The following KIF13A variants were observed in gnomAD, a reference collection of about 807,000 sequenced individuals.
KIF13A encodes kinesin-like protein KIF13A.
Under a neutral mutation model 212.2 loss-of-function variants are expected in KIF13A, and 79 were observed. That is an observed-to-expected ratio of 0.37 (90% CI 0.31 to 0.45). The LOEUF (loss-of-function observed/expected upper bound fraction) is 0.45, where lower values mean the gene tolerates loss of function less well. KIF13A is among the 20% of genes least tolerant of loss of function. The probability of loss-of-function intolerance (pLI) is 1.00; values close to 1 mark genes in which losing one functional copy is unlikely to be tolerated. For synonymous variants in KIF13A, 789 were observed against 808.6 expected (o/e 0.98, Z 0.41); for missense variants, 1,901 against 2,209.0 (o/e 0.86, Z 2.79).
rs892103843 is a variant in KIF13A at position 17,852,013 on chromosome 6, T to C, written c.524A>G (p.His175Arg). The change falls in exon 7 of 39, where the codon CAT becomes CGT. Residue 175 changes from histidine to arginine, a missense_variant. By Grantham distance (29) the His-to-Arg change is conservative. Transcript: ENST00000259711. Reference sequence around the variant, plus strand: ...ATCTACATATGGTCCCAAAACTTTATGTTCTCGAACTTTAAGAGACTGTCT... The same window carrying C: ...ATCTACATATGGTCCCAAAACTTTACGTTCTCGAACTTTAAGAGACTGTCT... ...GSRQSLKVRE[H>R]KVLGPYVDGL... The C allele has an allele frequency of 3.2e-6, 5 of 1,555,564 alleles. No homozygotes were observed. In the African/African-American group the frequency reaches 5.5e-5, roughly 17 times the overall value.
intron 20 of KIF13A, among the ~76,000 whole-genome samples, chr6:17,802,443 C>T (rs988370066): frequency 1.3e-5 from 2 of 151,968 alleles, no homozygotes; most frequent in African/African-American, 4.8e-5. Context: ...AGGCATGCGC[C>T]ACCACGCCGG....
chr6:17,812,177 A>T (rs1196637940), intron 17 of KIF13A: 1 of 152,212 alleles, frequency 6.6e-6, no homozygotes, highest in Non-Finnish European at 1.5e-5. Context: ...TTGTTTTTTA[A>T]AATTTAAATA....
intron 31 of KIF13A, 102 bp downstream of exon 31, chr6:17,780,628 G>T (rs1006511998): frequency 2.5e-5 from 27 of 1,096,954 alleles, no homozygotes; most frequent in Non-Finnish European, 3.1e-5. Context: ...GGATGGTCAT[G>T]TTTTGCACAT....
At position 17,987,400 on chromosome 6, in the gene KIF13A, GCTC is replaced by G. The variant is rs1561843139; in HGVS notation, c.55+6_55+8del. On this transcript the variant is annotated splice_donor_region_variant and intron_variant, in intron 1 of 38. Transcript: ENST00000259711. The surrounding 1 kb of genome is among the most constrained non-coding windows in gnomAD (Gnocchi z 7.7). ...GAGCAGAAATAAAAAAGAGCGGAAA[GCTC>G]CTCACCTCGTCGGTTCATGGGCCGG... is the stretch of plus-strand genomic sequence containing the variant. 5.8e-6 allele frequency: 8 copies of G among 1,368,410 alleles called. No homozygotes were observed. Among genetic ancestry groups the G allele is most frequent in the African/African-American group, 3.1e-5 (2 of 64,738 alleles). 84.8% of individuals were successfully genotyped at this position (1,368,410 alleles called of 1,614,324 possible). A position where few individuals can be genotyped will look rare whatever the true frequency, so the allele number is the denominator to read the frequency against.
intron 20 of KIF13A, among the ~76,000 whole-genome samples, chr6:17,803,935 A>G (rs1762702519): frequency 6.6e-6 from 1 of 152,162 alleles, no homozygotes; most frequent in Non-Finnish European, 1.5e-5. Context: ...GGCGGATCAC[A>G]AGGTCAGGAG....
At chr6:17,810,126 G>A (rs1471387043) in intron 17 of KIF13A, among the ~76,000 whole-genome samples, 2 of 151,986 alleles carry the variant, frequency 1.3e-5, no homozygotes, top group East Asian at 1.9e-4. Flanking sequence ...TTGTTCAGTC[G>A]GCTCAGTCTC....
At chr6:17,810,677 C>T (rs1763357173) in intron 17 of KIF13A, among the ~76,000 whole-genome samples, 1 of 152,186 alleles carries the variant, frequency 6.6e-6, no homozygotes, top group African/African-American at 2.4e-5. Context: ...AGCTTGTTTT[C>T]CTACAATTAG....
chr6:17,929,612 G>A (rs924224210), intron 2 of KIF13A, among the ~76,000 whole-genome samples: 2 of 152,128 alleles, frequency 1.3e-5, no homozygotes, highest in Non-Finnish European at 2.9e-5. Flanking sequence ...GTGTTAGCCA[G>A]CATGGTCTCG....
chr6:17,942,357 T>C (rs1489512933), intron 2 of KIF13A, among the ~76,000 whole-genome samples: 1 of 151,098 alleles, frequency 6.6e-6, no homozygotes, highest in Non-Finnish European at 1.5e-5. Flanking sequence ...TATATATATA[T>C]ATTTCTGTTC....
intron 2 of KIF13A, among the ~76,000 whole-genome samples, chr6:17,909,920 C>A (rs1235060366): frequency 6.6e-6 from 1 of 152,124 alleles, no homozygotes; most frequent in Admixed American, 6.6e-5. Flanking sequence ...GGAAAAAAAA[C>A]TCTGGAAAGA....
chr6:17,956,550 G>C (rs2150579437), intron 2 of KIF13A, among the ~76,000 whole-genome samples: 2 of 152,346 alleles, frequency 1.3e-5, no homozygotes, highest in Middle Eastern at 3.4e-3. Context: ...GGTGGTGTTA[G>C]GCTGTGATAT....
In KIF13A at chr6:17,773,548, A is replaced by G. The variant is rs1306177484; in HGVS notation, c.4254T>C (p.Tyr1418=). The change falls in exon 36 of 39, where the codon TAT becomes TAC. Residue 1418 remains tyrosine (Y), a synonymous_variant. Transcript: ENST00000259711. This position sits in a 1 kb window ranked among gnomAD's most constrained non-coding sequence, Gnocchi z 4.2. The part of the protein sequence containing the change: ...WPENQLDMSD[Y]SSSYQDVACY... ...ATGCTACATCTTGGTAACTGGAGCT[A>G]TAGTCAGACATGTCCAACTGGTTCT... 1 of 1,611,674 alleles carries G rather than the reference A, an allele frequency of 6.2e-7. No homozygotes were observed.
chr6:17,939,756 AAGAT>A (rs1308441087), intron 2 of KIF13A, among the ~76,000 whole-genome samples: 1 of 152,224 alleles, frequency 6.6e-6, no homozygotes, highest in Non-Finnish European at 1.5e-5. Flanking sequence ...AGCAGGTTAA[AAGAT>A]AGTCTCACCT....
intron 9 of KIF13A, among the ~76,000 whole-genome samples, chr6:17,844,222 G>A (rs891547759): frequency 6.6e-6 from 1 of 152,134 alleles, no homozygotes; most frequent in African/African-American, 2.4e-5. Flanking sequence ...TCACATGACA[G>A]GAGAGCAAAG....
chr6:17,903,923 T>C (rs185744311), intron 2 of KIF13A, among the ~76,000 whole-genome samples: 30 of 151,632 alleles, frequency 2.0e-4, no homozygotes, highest in African/African-American at 6.5e-4. Flanking sequence ...TCACTTGAGG[T>C]GGGAGGATCA....
chr6:17,765,230 A>G (rs1334393187), intron 38 of KIF13A, among the ~76,000 whole-genome samples: 1 of 152,194 alleles, frequency 6.6e-6, no homozygotes, highest in East Asian at 1.9e-4. Context: ...TCCCTGGTTT[A>G]AGAGAAAGAA....
intron 2 of KIF13A, among the ~76,000 whole-genome samples, chr6:17,925,565 T>C (rs1480924288): frequency 1.3e-5 from 2 of 152,178 alleles, no homozygotes; most frequent in African/African-American, 4.8e-5. Context: ...AAGGCACAAA[T>C]CTAGCAGACA....
chr6:17,913,905 G>A (rs1389169153), intron 2 of KIF13A, among the ~76,000 whole-genome samples: 5 of 152,160 alleles, frequency 3.3e-5, no homozygotes, highest in Admixed American at 2.6e-4. Flanking sequence ...GCTCATCAAA[G>A]CACAAGCTGA....
chr6:17,913,049 A>G (rs1774207836), intron 2 of KIF13A, among the ~76,000 whole-genome samples: 1 of 151,662 alleles, frequency 6.6e-6, no homozygotes, highest in Admixed American at 6.6e-5. Context: ...GGGCTCCCAA[A>G]GTGCTGGGGT....
Sources: gnomAD v4.1 joint callset for allele counts (sites outside exome capture counted in the v4.1 genomes callset) on GRCh38, gnomAD v4.1.1 for gene constraint, Gnocchi (gnomAD v3.1) non-coding constraint, MANE v1.5 for transcripts, NCBI Gene and HGNC (gene_info 2026-07-23, HGNC 2026-07-21) for gene names.